Variants in SYT16 observed in about 807,000 individuals in gnomAD.
SYT16 encodes synaptotagmin 16.
A neutral mutation model predicts 61.4 loss-of-function variants in SYT16; 42 were observed. The observed-to-expected ratio is 0.68, with a 90% CI of 0.53 to 0.89. SYT16 has a LOEUF of 0.89. Ranked by LOEUF, SYT16 falls within the 40% of genes least tolerant of loss-of-function variation. The pLI is 0.00. For synonymous variants in SYT16, 314 were observed against 302.3 expected (o/e 1.04, Z -0.40); for missense variants, 804 against 807.3 (o/e 1.00, Z 0.05).
At chr14:61,990,513 G>A (rs1322190875) in intron 2 of SYT16, among the ~76,000 whole-genome samples, 3 of 152,116 alleles carry the variant, frequency 2.0e-5, no homozygotes, top group African/African-American at 7.2e-5. Context: ...ATTTTGATTT[G>A]ATGTTTGGTT....
At chr14:61,875,496 AT>A (rs1047941345) in intron 1 of SYT16, among the ~76,000 whole-genome samples, 11 of 152,272 alleles carry the variant, frequency 7.2e-5, no homozygotes, top group Admixed American at 3.9e-4. Flanking sequence ...AAACATTAAA[AT>A]TTTTTTTCTC....
intron 1 of SYT16, among the ~76,000 whole-genome samples, chr14:61,895,116 T>C (rs1014777566): frequency 2.0e-5 from 3 of 152,178 alleles, no homozygotes; most frequent in Admixed American, 1.3e-4. Context: ...GTTAATGGCA[T>C]TATATCAGAG....
chr14:61,825,563 G>C (rs2045747659), intron 1 of SYT16, among the ~76,000 whole-genome samples: 1 of 152,076 alleles, frequency 6.6e-6, no homozygotes, highest in Admixed American at 6.5e-5. Context: ...CGTGCCTGTA[G>C]TCCCAGCTAC....
At chr14:61,882,242 T>A (rs2047727118) in intron 1 of SYT16, among the ~76,000 whole-genome samples, 1 of 152,110 alleles carries the variant, frequency 6.6e-6, no homozygotes. Context: ...GAGTACAGGA[T>A]TGCACTATTA....
In SYT16 at chr14:61,996,348, G is replaced by GCCAACAT; in HGVS notation, c.330_336dup (p.Ala113ProfsTer19). 1.2e-6 allele frequency: 2 copies of GCCAACAT among 1,613,472 alleles called. No individual in the cohort carries two copies. The highest frequency in any genetic ancestry group is 1.7e-6 in the Non-Finnish European group (2 of 1,179,572). ...GCCCAAAATTCAAGCCCAAGCCTTAGCCAACATGCAAAGGACTCATGTTCC... is the reference window on the plus strand; with the variant it reads ...GCCCAAAATTCAAGCCCAAGCCTTAGCCAACATCCAACATGCAAAGGACTCATGTTCC... On this transcript the variant is annotated frameshift_variant, in exon 3 of 8. Coordinates refer to ENST00000683842, the MANE Select transcript of SYT16 (RefSeq NM_001367656.1). LOFTEE classifies it high-confidence loss of function.
intron 1 of SYT16, among the ~76,000 whole-genome samples, chr14:61,834,326 T>C (rs2046053126): frequency 1.3e-5 from 2 of 150,190 alleles, no homozygotes; most frequent in Non-Finnish European, 3.0e-5. Context: ...GAGACAGGGT[T>C]CCATCATGTT....
chr14:62,096,559 TA>T (rs1024310826), intron 7 of SYT16, among the ~76,000 whole-genome samples: 1 of 152,060 alleles, frequency 6.6e-6, no homozygotes, highest in African/African-American at 2.4e-5. Flanking sequence ...AGAGATAATA[TA>T]AAAAATTAAT....
intron 1 of SYT16, among the ~76,000 whole-genome samples, chr14:61,927,600 T>A (rs1423869211): frequency 1.3e-5 from 2 of 152,304 alleles, no homozygotes; most frequent in African/African-American, 4.8e-5. Context: ...ATGTGTTTTT[T>A]AAAAAATGAT....
chr14:61,996,650 T>C (rs947925930), intron 3 of SYT16, 108 bp downstream of exon 3: 3 of 1,338,788 alleles, frequency 2.2e-6, no homozygotes, highest in African/African-American at 2.9e-5. Context: ...TTCTCTCTCT[T>C]ATACCTTCCC....
At position 61,908,618 on chromosome 14, in the gene SYT16, A is replaced by G. The variant is rs972453760; in HGVS notation, c.-324-61514A>G. ...AACATTTGCTCCAAACTGAGCAGGGATGGAAGGAAGGTCTGACTGTATTGC... is the reference window on the plus strand; with the variant it reads ...AACATTTGCTCCAAACTGAGCAGGGGTGGAAGGAAGGTCTGACTGTATTGC... On this transcript the variant is annotated intron_variant, in intron 1 of 7. Transcript: ENST00000683842. 4.6e-5 allele frequency among the ~76,000 whole-genome samples: 7 copies of G among 152,276 alleles called. No homozygotes were observed. The South Asian group carries it at 1.2e-3, about 27-fold the overall frequency.
intron 1 of SYT16, among the ~76,000 whole-genome samples, chr14:61,863,537 A>G (rs2047032062): frequency 1.3e-5 from 2 of 152,344 alleles, no homozygotes; most frequent in South Asian, 4.1e-4. Context: ...AGTGTTTTGC[A>G]AATATCTTAT....
chr14:62,039,875 A>G (rs1045732709), intron 3 of SYT16, among the ~76,000 whole-genome samples: 8 of 105,376 alleles, frequency 7.6e-5, no homozygotes, highest in Non-Finnish European at 1.6e-4. Context: ...ACACACACAC[A>G]CACGCACATA....
chr14:61,986,019 T>C (rs2052292513), intron 2 of SYT16, among the ~76,000 whole-genome samples: 1 of 152,218 alleles, frequency 6.6e-6, no homozygotes, highest in African/African-American at 2.4e-5. Context: ...TGTAATTCTA[T>C]CATTTGCAGG....
intron 3 of SYT16, among the ~76,000 whole-genome samples, chr14:62,049,431 AT>A (rs1337877799): frequency 2.0e-5 from 3 of 152,096 alleles, no homozygotes; most frequent in Non-Finnish European, 2.9e-5. Context: ...TCTTTATCCA[AT>A]TTGCCAGTCT....
chr14:62,043,192 A>G (rs994096667), intron 3 of SYT16, among the ~76,000 whole-genome samples: 8 of 149,686 alleles, frequency 5.3e-5, no homozygotes, highest in Admixed American at 1.3e-4. Context: ...CTCGTCCTAT[A>G]GTAGTACTTC....
In SYT16 at chr14:61,890,070, G is replaced by A. The variant is rs555912396; in HGVS notation, c.-325+77260G>A. Among the ~76,000 whole-genome samples, 231 of 152,316 alleles carry A rather than the reference G, an allele frequency of 1.5e-3. No homozygotes were observed. In the Middle Eastern group the frequency reaches 0.02, roughly 13 times the overall value. On this transcript the variant is annotated intron_variant, in intron 1 of 7. Transcript: ENST00000683842. ...TTTATAAGTCGAGAAAGATCACGAA[G>A]AGGCAGGATATTGCTCTACCCTGGG... is the stretch of plus-strand genomic sequence containing the variant.
At chr14:62,084,933 A>G (rs1198842481) in intron 7 of SYT16, among the ~76,000 whole-genome samples, 1 of 152,242 alleles carries the variant, frequency 6.6e-6, no homozygotes, top group East Asian at 1.9e-4. Flanking sequence ...TGCCTATCAC[A>G]TAGTGAATGC....
At chr14:61,978,353 C>G (rs919186722) in intron 2 of SYT16, among the ~76,000 whole-genome samples, 1 of 152,276 alleles carries the variant, frequency 6.6e-6, no homozygotes, top group East Asian at 1.9e-4. Flanking sequence ...GTATTCCACA[C>G]TCCTCAACTG....
intron 1 of SYT16, among the ~76,000 whole-genome samples, chr14:61,840,228 G>T (rs1324917096): frequency 6.6e-6 from 1 of 152,176 alleles, no homozygotes; most frequent in Non-Finnish European, 1.5e-5. Context: ...ATCATTTGGG[G>T]GCACATTTAA....
Sources: gnomAD v4.1 joint callset for allele counts (sites outside exome capture counted in the v4.1 genomes callset) on GRCh38, gnomAD v4.1.1 for gene constraint, MANE v1.5 for transcripts, NCBI Gene and HGNC (gene_info 2026-07-23, HGNC 2026-07-21) for gene names.